Variants in SNX1 observed in about 807,000 individuals in gnomAD.
SNX1 encodes sorting nexin 1, also known as sorting nexin-1.
In SNX1, 36 loss-of-function variants were observed where a neutral mutation model predicts 71.8. The observed-to-expected ratio is 0.50, with a 90% CI of 0.38 to 0.66. The LOEUF (loss-of-function observed/expected upper bound fraction) is 0.66, where lower values mean the gene tolerates loss of function less well. Ranked by LOEUF, SNX1 falls within the 30% of genes least tolerant of loss-of-function variation. The pLI is 0.00. For missense variants in SNX1, 612 were observed against 646.7 expected (o/e 0.95, Z 0.58); for synonymous variants, 254 against 240.7 (o/e 1.06, Z -0.51).
At chr15:64,108,798 GC>G (rs2140136743) in intron 1 of SNX1, among the ~76,000 whole-genome samples, 1 of 152,034 alleles carries the variant, frequency 6.6e-6, no homozygotes, top group East Asian at 1.9e-4. Context: ...GACCAGCCTG[GC>G]CAACATGATG....
intron 1 of SNX1, among the ~76,000 whole-genome samples, chr15:64,099,797 T>TG (rs1392434846): frequency 6.6e-6 from 1 of 152,226 alleles, no homozygotes; most frequent in African/African-American, 2.4e-5. Flanking sequence ...CTGCAGCCCC[T>TG]GCCTCCTGGG....
intron 1 of SNX1, among the ~76,000 whole-genome samples, chr15:64,102,429 G>A (rs2080971810): frequency 3.3e-5 from 5 of 152,112 alleles, no homozygotes; most frequent in Admixed American, 1.3e-4. Flanking sequence ...TGGAACATAC[G>A]ATAAATTATT....
At chr15:64,115,430 A>G (rs1170455202) in intron 2 of SNX1, among the ~76,000 whole-genome samples, 1 of 152,236 alleles carries the variant, frequency 6.6e-6, no homozygotes, top group African/African-American at 2.4e-5. Flanking sequence ...AGTGATGATC[A>G]GAGTCTCTCA....
chr15:64,127,372 C>T, intron 7 of SNX1, 120 bp downstream of exon 7: 2 of 744,328 alleles, frequency 2.7e-6, no homozygotes, highest in South Asian at 3.5e-5. Context: ...ATTGAAGTTG[C>T]ACACCTCCAT....
At chr15:64,097,759 T>TA (rs1216291246) in intron 1 of SNX1, among the ~76,000 whole-genome samples, 5 of 152,228 alleles carry the variant, frequency 3.3e-5, no homozygotes, top group African/African-American at 1.2e-4. Context: ...GTCTGTGAAT[T>TA]TATCTGTTTG....
intron 1 of SNX1, among the ~76,000 whole-genome samples, chr15:64,097,047 G>A (rs933784055): frequency 6.6e-6 from 1 of 152,248 alleles, no homozygotes; most frequent in East Asian, 1.9e-4. Context: ...GGGCTCAAGA[G>A]CCCACTTACA....
At chr15:64,112,478 G>A in intron 1 of SNX1, 95 bp from the exon 2 acceptor site, 1 of 689,180 alleles carries the variant, frequency 1.5e-6, no homozygotes, top group Non-Finnish European at 2.5e-6. Flanking sequence ...TGGCTGACTG[G>A]TGGCAACTGA....
chr15:64,141,432 A>G lies in SNX1; in HGVS notation c.*3814A>G, dbSNP rs2081413497. 6.6e-6 allele frequency: 1 copy of G among 152,316 alleles called. No individual in the cohort carries two copies. The allele number at this position is 152,316 out of a possible 1,614,324, so 9.4% of individuals were successfully genotyped here. A position where few individuals can be genotyped will look rare whatever the true frequency, so the allele number is the denominator to read the frequency against. ...AGTAGTGGGTTAGGGGTACTGAGCC[A>G]GAAGCCTCTACAAGGAATAACAGGA... On this transcript the variant is annotated 3_prime_UTR_variant, in exon 15 of 15. Transcript: ENST00000559844. The surrounding 1 kb of genome is among the most constrained non-coding windows in gnomAD (Gnocchi z 5.1).
Position 64,120,946 on chromosome 15 carries a change from A to G in SNX1, c.466+2092A>G, listed in dbSNP as rs144124839. The stretch of plus-strand genomic sequence containing the variant: ...AGCGTCTTACACAGTTCTGTCATCT[A>G]ACAGAAAAGGAAATTGAGGACCAAA... On this transcript the variant is annotated intron_variant, in intron 4 of 14. Transcript: ENST00000559844. Among the ~76,000 whole-genome samples the G allele has an allele frequency of 1.8e-4, 27 of 152,318 alleles. No individual in the cohort carries two copies. The East Asian group carries it at 5.0e-3, about 28-fold the overall frequency.
At chr15:64,105,237 G>A (rs2081008808) in intron 1 of SNX1, among the ~76,000 whole-genome samples, 1 of 149,284 alleles carries the variant, frequency 6.7e-6, no homozygotes, top group African/African-American at 2.5e-5. Flanking sequence ...AAAAAAATTA[G>A]GGGCTTATGA....
At chr15:64,126,979 C>T (rs889279405) in intron 6 of SNX1, among the ~76,000 whole-genome samples, 195 bp from the exon 7 acceptor site, 4 of 152,138 alleles carry the variant, frequency 2.6e-5, no homozygotes, top group Non-Finnish European at 5.9e-5. Context: ...TTAGAACCTT[C>T]AGCACTTAGA....
In SNX1 at chr15:64,138,152, G is replaced by A. The variant is rs1339051188; in HGVS notation, c.*534G>A. 8 of 1,535,630 alleles carry A rather than the reference G, an allele frequency of 5.2e-6. No individual in the cohort carries two copies. The highest frequency in any genetic ancestry group is 6.1e-6 in the Non-Finnish European group (7 of 1,146,882). ...AGTTTTGTGCTGCTGCTTCCCTCTG[G>A]AAATGGGGTTTCTTTCTCTCCGCCT... On this transcript the variant is annotated 3_prime_UTR_variant, in exon 15 of 15. Transcript: ENST00000559844.
chr15:64,136,832 G>T, intron 13 of SNX1, 29 bp from the exon 14 acceptor site: 1 of 1,582,192 alleles, frequency 6.3e-7, no homozygotes, highest in Non-Finnish European at 8.7e-7. Flanking sequence ...GCAAAAACTG[G>T]ATGGTCAGTG....
At chr15:64,136,459 G>T in intron 13 of SNX1, 49 bp downstream of exon 13, 1 of 1,448,186 alleles carries the variant, frequency 6.9e-7, no homozygotes, top group South Asian at 1.1e-5. Context: ...GCTTGTTTTG[G>T]GAGTACTCTT....
chr15:64,118,278 A>G, intron 3 of SNX1, 34 bp downstream of exon 3: 1 of 1,595,644 alleles, frequency 6.3e-7, no homozygotes, highest in Non-Finnish European at 8.5e-7. Flanking sequence ...TATCGCTTTT[A>G]GATATTGAGG....
At position 64,141,023 on chromosome 15, in the gene SNX1, A is replaced by AGATAGATAGATAGATAGATG. The variant is rs1567337196; in HGVS notation, c.*3408_*3409insAGATAGATAGATAGATGGAT. The AGATAGATAGATAGATAGATG allele has an allele frequency of 5.1e-4, 77 of 151,456 alleles. No homozygotes were observed. The highest frequency in any genetic ancestry group is 1.8e-3 in the African/African-American group (73 of 40,738). 9.4% of individuals were successfully genotyped at this position (151,456 alleles called of 1,614,324 possible). ...TAGATAGATAGATAGATAGATAGATAGATGATAGATATAGATAGATAGATA... is the reference window on the plus strand; with the variant it reads ...TAGATAGATAGATAGATAGATAGATAGATAGATAGATAGATAGATGGATGATAGATATAGATAGATAGATA... On this transcript the variant is annotated 3_prime_UTR_variant, in exon 15 of 15. Transcript: ENST00000559844. The surrounding 1 kb of genome is among the most constrained non-coding windows in gnomAD (Gnocchi z 5.1).
chr15:64,121,492 T>A (rs746878724), intron 4 of SNX1, among the ~76,000 whole-genome samples: 2 of 152,218 alleles, frequency 1.3e-5, no homozygotes, highest in Non-Finnish European at 2.9e-5. Flanking sequence ...TCTATCTCTG[T>A]GTGCACATTC....
At chr15:64,127,654 C>T in intron 7 of SNX1, 77 bp from the exon 8 acceptor site, 1 of 996,234 alleles carries the variant, frequency 1.0e-6, no homozygotes, top group South Asian at 1.4e-5. Context: ...GACATGGTAT[C>T]ACTGCCAGCA....
rs748062141 is a variant in SNX1 at position 64,129,955 on chromosome 15, G to A, written c.847G>A (p.Gly283Ser). The A allele has an allele frequency of 6.8e-6, 11 of 1,613,932 alleles. No homozygotes were observed. The African/African-American group carries it at 1.3e-4, about 20-fold the overall frequency. The change falls in exon 9 of 15, where the codon GGT becomes AGT. Residue 283 changes from glycine to serine, a missense_variant. Coordinates refer to ENST00000559844, the MANE Select transcript of SNX1 (RefSeq NM_003099.5). The surrounding 1 kb of genome is among the most constrained non-coding windows in gnomAD (Gnocchi z 4.4). Reference protein sequence around the residue: ...AVGTQTLSGAGLLKMFNKATD... With the variant: ...AVGTQTLSGASLLKMFNKATD... ...GGGTACCCAGACATTGAGTGGTGCT[G>A]GTCTCCTCAAGATGTTCAACAAAGC...
Sources: allele counts gnomAD v4.1 joint callset (sites outside exome capture counted in the v4.1 genomes callset), GRCh38; gene constraint gnomAD v4.1.1; non-coding constraint Gnocchi (gnomAD v3.1); transcripts MANE v1.5; gene names NCBI Gene and HGNC (gene_info 2026-07-23, HGNC 2026-07-21).